The following CLASRP variants were observed in gnomAD, a reference collection of about 807,000 sequenced individuals.
CLASRP encodes the protein CLK4-associating serine/arginine rich protein.
A neutral mutation model predicts 99.9 loss-of-function variants in CLASRP; 52 were observed. The ratio of observed to expected loss-of-function variants is 0.52; its 90% CI spans 0.42 to 0.66. The LOEUF (loss-of-function observed/expected upper bound fraction) is 0.66, where lower values mean the gene tolerates loss of function less well. Ranked by LOEUF, CLASRP falls within the 30% of genes least tolerant of loss-of-function variation. CLASRP has a pLI of 0.00. For synonymous variants in CLASRP, 379 were observed against 373.0 expected, an observed-to-expected ratio of 1.02 and a Z score of -0.18; for missense variants, 848 against 999.2, an observed-to-expected ratio of 0.85 and a Z score of 2.04.
chr19:45,066,867 G>A (rs1967098942), intron 13 of CLASRP, among the ~76,000 whole-genome samples: 1 of 152,218 alleles, frequency 6.6e-6, no homozygotes, highest in Middle Eastern at 3.4e-3. Flanking sequence ...GAACTTGTGG[G>A]TCTGTGCTGA....
At chr19:45,068,140 C>A in intron 15 of CLASRP, 86 bp downstream of exon 15, 1 of 1,226,076 alleles carries the variant, frequency 8.2e-7, no homozygotes. Context: ...CAGGGGGGCC[C>A]GGGTGGGCTG....
At chr19:45,049,577 A>G (rs1368239116) in intron 2 of CLASRP, among the ~76,000 whole-genome samples, 1 of 152,224 alleles carries the variant, frequency 6.6e-6, no homozygotes, top group Admixed American at 6.6e-5. Context: ...CAGCTCCTTC[A>G]GCCCGGACTG....
At chr19:45,043,434 A>AT (rs1555729334) in intron 2 of CLASRP, among the ~76,000 whole-genome samples, 5,588 of 143,906 alleles carry the variant, frequency 0.039, 171 homozygotes, top group East Asian at 0.14. Flanking sequence ...AAAAAAAAAA[A>AT]TTTTTTCCAT....
intron 2 of CLASRP, among the ~76,000 whole-genome samples, chr19:45,043,073 T>G (rs986793462): frequency 6.6e-6 from 1 of 152,148 alleles, no homozygotes; most frequent in Non-Finnish European, 1.5e-5. Flanking sequence ...AAAGTATAAA[T>G]GAATTTGGTC....
Position 45,070,598 on chromosome 19 carries a change from A to G in CLASRP, c.1982+37A>G, listed in dbSNP as rs374686709. ...CATGACCCTCCACTTTCTTGGAAGTAACACTTGTCCTTTGATGGGAGGTCC... is the reference window on the plus strand; with the variant it reads ...CATGACCCTCCACTTTCTTGGAAGTGACACTTGTCCTTTGATGGGAGGTCC... On this transcript the variant is annotated intron_variant, in intron 20 of 20. Coordinates refer to ENST00000221455, the MANE Select transcript of CLASRP (RefSeq NM_007056.3). 50 of 1,593,248 alleles carry G rather than the reference A, an allele frequency of 3.1e-5. No homozygotes were observed. The African/African-American group carries it at 6.2e-4, about 20-fold the overall frequency.
chr19:45,048,998 A>C (rs1008858290), intron 2 of CLASRP, among the ~76,000 whole-genome samples: 1 of 152,204 alleles, frequency 6.6e-6, no homozygotes, highest in African/African-American at 2.4e-5. Context: ...AAAAAGAAAA[A>C]GAATAGTATG....
intron 2 of CLASRP, among the ~76,000 whole-genome samples, chr19:45,051,133 A>G (rs1972014974): frequency 6.6e-6 from 1 of 152,064 alleles, no homozygotes; most frequent in Admixed American, 6.6e-5. Flanking sequence ...TCATCTTCCC[A>G]TGTGCGGATG....
chr19:45,063,873 C>T (rs1966999377), intron 11 of CLASRP, 139 bp from the exon 12 acceptor site: 1 of 1,169,914 alleles, frequency 8.5e-7, no homozygotes, highest in Admixed American at 2.7e-5. Flanking sequence ...GTCTCCACTG[C>T]CCTCCAGGCT....
In CLASRP at chr19:45,069,137, A is replaced by C; in HGVS notation, c.1827+13A>C. 1 of 1,612,852 alleles carries C rather than the reference A, an allele frequency of 6.2e-7. No individual in the cohort carries two copies. The highest frequency in any genetic ancestry group is 8.5e-7 in the Non-Finnish European group (1 of 1,178,864). The stretch of plus-strand genomic sequence containing the variant: ...GCATGAGCGGCAGGTGAAGTGGGAA[A>C]GGGAGGGCTGGGGTGACGGGTGGGT... On this transcript the variant is annotated intron_variant, in intron 17 of 20. Transcript: ENST00000221455.
At chr19:45,068,764 C>G (rs939823933) in intron 16 of CLASRP, among the ~76,000 whole-genome samples, 1 of 151,454 alleles carries the variant, frequency 6.6e-6, no homozygotes, top group African/African-American at 2.4e-5. Flanking sequence ...TTTGGGAGGC[C>G]GAGGTGGGCG....
intron 11 of CLASRP, 23 bp from the exon 12 acceptor site, chr19:45,063,989 A>C (rs898323400): frequency 6.3e-7 from 1 of 1,586,518 alleles, no homozygotes; most frequent in Admixed American, 1.8e-5. Flanking sequence ...TGAGCTAGTG[A>C]GCCTCCTCCT....
Position 45,064,348 on chromosome 19 carries a change from GCTCCTCCTC to G in CLASRP, c.1143_1151del (p.Ser383_Ser385del), listed in dbSNP as rs756241064. ...CCTCCGTGCCCCGCCTGCAGCCGCC[GCTCCTCCTC>G]CTCCTCCTCCTCCTCTTCTGCCTCG... is the stretch of plus-strand genomic sequence containing the variant. On this transcript the variant is annotated inframe_deletion, in exon 13 of 21. Coordinates refer to ENST00000221455, the MANE Select transcript of CLASRP (RefSeq NM_007056.3). The G allele has an allele frequency of 1.3e-4, 198 of 1,525,898 alleles. No homozygotes were observed. The highest frequency in any genetic ancestry group is 1.6e-4 in the Non-Finnish European group (186 of 1,140,506). The allele number at this position is 1,525,898 out of a possible 1,614,324, so 94.5% of individuals were successfully genotyped here. A position where few individuals can be genotyped will look rare whatever the true frequency, so the allele number is the denominator to read the frequency against.
chr19:45,057,209 G>A (rs978863670), intron 6 of CLASRP, among the ~76,000 whole-genome samples: 1 of 152,204 alleles, frequency 6.6e-6, no homozygotes, highest in Non-Finnish European at 1.5e-5. Context: ...GTAGCCTGGA[G>A]CCCTGGCTCG....
At chr19:45,070,678 T>G (rs1600121452) in intron 20 of CLASRP, 117 bp downstream of exon 20, 1 of 1,297,270 alleles carries the variant, frequency 7.7e-7, no homozygotes, top group South Asian at 1.2e-5. Flanking sequence ...GAGGGGCTGG[T>G]CTCATCCCTT....
intron 11 of CLASRP, among the ~76,000 whole-genome samples, chr19:45,063,308 C>T (rs1966982407): frequency 6.6e-6 from 1 of 151,266 alleles, no homozygotes; most frequent in Non-Finnish European, 1.5e-5. Context: ...CACCTGGCCA[C>T]TTTGTTTTTA....
rs1966916708 is a variant in CLASRP at position 45,060,557 on chromosome 19, C to T, written c.793C>T (p.Arg265Cys). 1.2e-6 allele frequency: 2 copies of T among 1,613,380 alleles called. No individual in the cohort carries two copies. Among genetic ancestry groups the T allele is most frequent in the African/African-American group, 1.3e-5 (1 of 75,032 alleles). The change falls in exon 10 of 21, where the codon CGC becomes TGC. Residue 265 changes from arginine to cysteine, a missense_variant. Arg to Cys is a radical substitution (Grantham distance 180, BLOSUM62 -3). This residue lies in a region of CLASRP where 119 missense variants were observed against 170.2 expected (regional missense o/e 0.70). Transcript: ENST00000221455. The surrounding 1 kb of genome is among the most constrained non-coding windows in gnomAD (Gnocchi z 4.6). Reference protein sequence around the residue: ...LEEEKAMYSGRRSRRQRREFR... With the variant: ...LEEEKAMYSGCRSRRQRREFR... ...CCTGGCACCCACCCTACTCCAGGGA[C>T]GCCGCTCTCGACGCCAGCGGAGAGA...
At chr19:45,070,675 T>G (rs1361604150) in intron 20 of CLASRP, 114 bp downstream of exon 20, 1 of 1,294,580 alleles carries the variant, frequency 7.7e-7, no homozygotes, top group East Asian at 2.3e-5. Flanking sequence ...TTGGAGGGGC[T>G]GGTCTCATCC....
intron 13 of CLASRP, 48 bp downstream of exon 13, chr19:45,064,678 C>T: frequency 6.7e-7 from 1 of 1,494,854 alleles, no homozygotes; most frequent in Non-Finnish European, 8.9e-7. Context: ...GGGGCGCGGT[C>T]TCCGATCCTG....
chr19:45,064,867 A>C (rs1368754223), intron 13 of CLASRP, among the ~76,000 whole-genome samples: 1 of 152,096 alleles, frequency 6.6e-6, no homozygotes, highest in Non-Finnish European at 1.5e-5. Flanking sequence ...GCTGTTTTCC[A>C]CGACAGGGTG....
Sources: allele counts gnomAD v4.1 joint callset (sites outside exome capture counted in the v4.1 genomes callset), GRCh38; gene constraint gnomAD v4.1.1; regional missense constraint gnomAD v4.1.1; non-coding constraint Gnocchi (gnomAD v3.1); transcripts MANE v1.5; gene names NCBI Gene and HGNC (gene_info 2026-07-23, HGNC 2026-07-21).